GRM8: variants seen among roughly 807,000 people sequenced by gnomAD.
GRM8 encodes metabotropic glutamate receptor 8.
Under a neutral mutation model 87.2 loss-of-function variants are expected in GRM8, and 47 were observed. The observed-to-expected ratio is 0.54, with a 90% CI of 0.43 to 0.69. GRM8 has a LOEUF of 0.69. GRM8 is among the 30% of genes least tolerant of loss of function. The pLI, the probability that GRM8 is intolerant of heterozygous loss-of-function variation, is 0.00. For synonymous variants in GRM8, 396 were observed against 404.5 expected, an observed-to-expected ratio of 0.98 and a Z score of 0.25; for missense variants, 1,019 against 1,139.2, an observed-to-expected ratio of 0.89 and a Z score of 1.52.
intron 3 of GRM8, among the ~76,000 whole-genome samples, chr7:126,926,694 T>C (rs943430757): frequency 1.5e-4 from 23 of 152,200 alleles, no homozygotes; most frequent in African/African-American, 5.3e-4. Context: ...TTCAGTCTTA[T>C]CTCACATCAG....
At chr7:126,654,681 T>A (rs933791199) in intron 7 of GRM8, among the ~76,000 whole-genome samples, 2 of 152,212 alleles carry the variant, frequency 1.3e-5, no homozygotes, top group Non-Finnish European at 2.9e-5. Flanking sequence ...AAACTCATCA[T>A]TAAACTTTCA....
At chr7:127,108,334 G>C (rs1437179964) in intron 2 of GRM8, among the ~76,000 whole-genome samples, 2 of 151,992 alleles carry the variant, frequency 1.3e-5, no homozygotes, top group African/African-American at 4.8e-5. Context: ...CCTCTTACTA[G>C]GTAAAAATTT....
At chr7:126,895,600 C>G (rs925962017) in intron 6 of GRM8, among the ~76,000 whole-genome samples, 169 of 152,178 alleles carry the variant, frequency 1.1e-3, no homozygotes, top group Non-Finnish European at 1.7e-3. Context: ...AATGAGTAAA[C>G]TAACTCTAAT....
intron 2 of GRM8, among the ~76,000 whole-genome samples, chr7:127,141,446 TGAG>T (rs983058140): frequency 1.3e-5 from 2 of 152,176 alleles, no homozygotes; most frequent in African/African-American, 4.8e-5. Flanking sequence ...AAAAAATTGT[TGAG>T]GATTAGAAAA....
At chr7:126,586,233 T>A (rs1796111112) in intron 8 of GRM8, among the ~76,000 whole-genome samples, 2 of 152,094 alleles carry the variant, frequency 1.3e-5, no homozygotes, top group Non-Finnish European at 2.9e-5. Context: ...GAAAAATCAA[T>A]ATCATGAAAA....
intron 7 of GRM8, among the ~76,000 whole-genome samples, chr7:126,678,268 A>C (rs779280227): frequency 6.6e-6 from 1 of 152,230 alleles, no homozygotes; most frequent in African/African-American, 2.4e-5. Context: ...TTTTATATTT[A>C]AGACATACCT....
chr7:126,661,198 T>C (rs1805121528), intron 7 of GRM8, among the ~76,000 whole-genome samples: 1 of 152,208 alleles, frequency 6.6e-6, no homozygotes, highest in African/African-American at 2.4e-5. Context: ...AGTGTAAACA[T>C]AAACACTTGA....
chr7:126,797,207 C>A (rs17683715), intron 6 of GRM8, among the ~76,000 whole-genome samples: 1 of 151,984 alleles, frequency 6.6e-6, no homozygotes, highest in Non-Finnish European at 1.5e-5. Context: ...ATTATCCTAG[C>A]TTTTCTGTCA....
chr7:126,899,017 T>TAA (rs376097799), intron 6 of GRM8, among the ~76,000 whole-genome samples: 1 of 135,888 alleles, frequency 7.4e-6, no homozygotes. Context: ...CTTACGAGTG[T>TAA]AAAAAAAAAA....
At chr7:127,077,467 T>C (rs946766892) in intron 3 of GRM8, among the ~76,000 whole-genome samples, 1 of 152,208 alleles carries the variant, frequency 6.6e-6, no homozygotes, top group African/African-American at 2.4e-5. Flanking sequence ...AAGCTCCTTT[T>C]CTAACACAAG....
chr7:127,040,275 A>T (rs1201517939), intron 3 of GRM8, among the ~76,000 whole-genome samples: 1 of 152,062 alleles, frequency 6.6e-6, no homozygotes, highest in Non-Finnish European at 1.5e-5. Context: ...GTTTCAGAGC[A>T]GAGCTGTTGG....
chr7:126,644,302 T>C (rs1225268655), intron 7 of GRM8, among the ~76,000 whole-genome samples: 1 of 152,176 alleles, frequency 6.6e-6, no homozygotes, highest in Non-Finnish European at 1.5e-5. Context: ...CCCTCTTTCA[T>C]TATAATTTGG....
chr7:126,565,171 C>T (rs985047872), intron 8 of GRM8, among the ~76,000 whole-genome samples: 9 of 152,094 alleles, frequency 5.9e-5, no homozygotes, highest in African/African-American at 2.2e-4. Flanking sequence ...TTCTATTCAA[C>T]GTGGTAATGG....
intron 2 of GRM8, among the ~76,000 whole-genome samples, chr7:127,191,545 C>G (rs554035445): frequency 2.3e-4 from 35 of 152,200 alleles, no homozygotes; most frequent in African/African-American, 8.2e-4. Context: ...CACTCTGATG[C>G]CTTAATCTTC....
At chr7:127,241,740 C>T in intron 2 of GRM8, among the ~76,000 whole-genome samples, 1 of 152,204 alleles carries the variant, frequency 6.6e-6, no homozygotes, top group Non-Finnish European at 1.5e-5. Context: ...CAGCCAGGAA[C>T]CATTTTTCAC....
intron 2 of GRM8, among the ~76,000 whole-genome samples, chr7:127,232,973 G>C (rs1294597277): frequency 1.3e-5 from 2 of 152,080 alleles, no homozygotes; most frequent in Non-Finnish European, 2.9e-5. Context: ...GAGTAGCTGG[G>C]ATTACAAGCA....
At chr7:126,912,098 G>A (rs1803369445) in intron 3 of GRM8, among the ~76,000 whole-genome samples, 1 of 152,166 alleles carries the variant, frequency 6.6e-6, no homozygotes, top group South Asian at 2.1e-4. Flanking sequence ...TTGGGAGGCT[G>A]AGGCAGGAGA....
At chr7:127,000,504 C>T (rs1300296926) in intron 3 of GRM8, among the ~76,000 whole-genome samples, 1 of 151,552 alleles carries the variant, frequency 6.6e-6, no homozygotes, top group Non-Finnish European at 1.5e-5. Context: ...TCACATGCCC[C>T]ATAAATATAT....
intron 6 of GRM8, among the ~76,000 whole-genome samples, chr7:126,807,187 C>G (rs565168925): frequency 6.6e-6 from 1 of 152,150 alleles, no homozygotes; most frequent in Non-Finnish European, 1.5e-5. Context: ...ACTAGGTCTT[C>G]TCCTCCAAGA....
Sources: allele counts gnomAD v4.1 joint callset (sites outside exome capture counted in the v4.1 genomes callset), GRCh38; gene constraint gnomAD v4.1.1; transcripts MANE v1.5; gene names NCBI Gene and HGNC (gene_info 2026-07-23, HGNC 2026-07-21).